The following THSD7B variants were observed in gnomAD, a reference collection of about 807,000 sequenced individuals.
THSD7B encodes the protein thrombospondin type 1 domain containing 7B.
Under a neutral mutation model 213.6 loss-of-function variants are expected in THSD7B, and 138 were observed. The observed-to-expected ratio is 0.65, with a 90% confidence interval of 0.56 to 0.74. THSD7B has a LOEUF of 0.74. Ranked by LOEUF, THSD7B falls within the 30% of genes least tolerant of loss-of-function variation. The pLI is 0.00. For missense variants in THSD7B, 1,931 were observed against 1,991.5 expected (o/e 0.97, Z 0.58); for synonymous variants, 742 against 687.0 (o/e 1.08, Z -1.25).
intron 12 of THSD7B, among the ~76,000 whole-genome samples, chr2:137,343,221 A>G (rs1684802276): frequency 6.6e-6 from 1 of 150,988 alleles, no homozygotes. Context: ...TTAGTTCTTT[A>G]AATTTTGGTA....
chr2:136,861,715 G>A (rs1017003529), intron 1 of THSD7B, among the ~76,000 whole-genome samples: 1 of 152,184 alleles, frequency 6.6e-6, no homozygotes, highest in Admixed American at 6.5e-5. Flanking sequence ...GAACCTAAAT[G>A]TATTGGTCAT....
At chr2:137,129,892 T>G (rs1478186041) in intron 5 of THSD7B, among the ~76,000 whole-genome samples, 1 of 152,208 alleles carries the variant, frequency 6.6e-6, no homozygotes, top group Admixed American at 6.5e-5. Context: ...CTCATCACTG[T>G]TTTCTAATGA....
rs191270451 is a variant in THSD7B at position 136,807,325 on chromosome 2, G to A, written c.-36+41638G>A. Among the ~76,000 whole-genome samples the A allele has an allele frequency of 1.3e-4, 20 of 152,012 alleles. 1 individual carries two copies. The highest frequency in any genetic ancestry group is 4.6e-4 in the African/African-American group (19 of 41,430). ...TTTATTCAAATATTTATTCATATCAGCATGGACTCATGAATATCTTATACT... is the reference window on the plus strand; with the variant it reads ...TTTATTCAAATATTTATTCATATCAACATGGACTCATGAATATCTTATACT... On this transcript the variant is annotated intron_variant, in intron 1 of 27. Coordinates refer to ENST00000409968, the MANE Select transcript of THSD7B (RefSeq NM_001316349.2).
intron 7 of THSD7B, among the ~76,000 whole-genome samples, chr2:137,188,321 A>G (rs1186819312): frequency 6.6e-6 from 1 of 152,132 alleles, no homozygotes; most frequent in Non-Finnish European, 1.5e-5. Context: ...GTTTCAGACC[A>G]GTGCCACCTT....
intron 12 of THSD7B, among the ~76,000 whole-genome samples, chr2:137,289,492 G>A (rs919395026): frequency 5.9e-5 from 9 of 151,920 alleles, no homozygotes; most frequent in South Asian, 2.1e-4. Flanking sequence ...CAAAAATCAC[G>A]TAGGGGCAAT....
intron 7 of THSD7B, among the ~76,000 whole-genome samples, chr2:137,208,243 G>A (rs923914701): frequency 2.6e-5 from 4 of 151,970 alleles, no homozygotes; most frequent in Admixed American, 2.6e-4. Context: ...ACCTTCCACT[G>A]GAGCCTCAGT....
At chr2:136,903,463 T>G (rs1220645776) in intron 2 of THSD7B, among the ~76,000 whole-genome samples, 1 of 152,198 alleles carries the variant, frequency 6.6e-6, no homozygotes, top group South Asian at 2.1e-4. Context: ...TTTCAGAATT[T>G]TTTTTTTAAT....
At chr2:137,670,004 G>T (rs1310026101) in intron 27 of THSD7B, among the ~76,000 whole-genome samples, 2 of 151,996 alleles carry the variant, frequency 1.3e-5, no homozygotes, top group South Asian at 2.1e-4. Context: ...ATATTCATGG[G>T]ATACAAATGC....
chr2:136,946,837 C>G (rs580144), intron 2 of THSD7B, among the ~76,000 whole-genome samples: 90,097 of 152,078 alleles, frequency 0.59, 28,477 homozygotes, highest in Non-Finnish European at 0.73. Flanking sequence ...AAGATGGTTG[C>G]AAAAGTGCAG....
At chr2:137,293,566 G>A (rs1473449653) in intron 12 of THSD7B, among the ~76,000 whole-genome samples, 1 of 151,018 alleles carries the variant, frequency 6.6e-6, no homozygotes, top group Non-Finnish European at 1.5e-5. Flanking sequence ...ACCAGAATTG[G>A]TTCTCTTCAT....
intron 5 of THSD7B, among the ~76,000 whole-genome samples, chr2:137,141,870 T>G (rs1200190270): frequency 6.6e-6 from 1 of 152,152 alleles, no homozygotes; most frequent in Non-Finnish European, 1.5e-5. Flanking sequence ...AATGTTTTTT[T>G]GCTATCACCC....
chr2:137,040,959 G>A (rs569534050), intron 2 of THSD7B, among the ~76,000 whole-genome samples: 24 of 152,286 alleles, frequency 1.6e-4, no homozygotes, highest in African/African-American at 5.5e-4. Flanking sequence ...ATCACAAGGG[G>A]AATAAAGAGT....
At chr2:137,140,482 A>T (rs1365906939) in intron 5 of THSD7B, among the ~76,000 whole-genome samples, 2 of 152,116 alleles carry the variant, frequency 1.3e-5, no homozygotes, top group Admixed American at 1.3e-4. Flanking sequence ...CTAAATTTTG[A>T]CAGATACCAC....
At chr2:137,179,455 C>T (rs1680414069) in intron 7 of THSD7B, among the ~76,000 whole-genome samples, 1 of 151,978 alleles carries the variant, frequency 6.6e-6, no homozygotes, top group Admixed American at 6.6e-5. Context: ...AAACACTTCT[C>T]CATTATGACA....
At chr2:137,592,855 A>G (rs1002824894) in intron 17 of THSD7B, among the ~76,000 whole-genome samples, 1 of 151,968 alleles carries the variant, frequency 6.6e-6, no homozygotes, top group African/African-American at 2.4e-5. Flanking sequence ...GCTGCTTTTC[A>G]GTGTATATGT....
chr2:137,288,091 G>A (rs958237703), intron 12 of THSD7B, among the ~76,000 whole-genome samples: 1 of 152,076 alleles, frequency 6.6e-6, no homozygotes. Flanking sequence ...AACATGTAAT[G>A]TTTGTACTTT....
At chr2:137,320,199 C>G (rs1684231298) in intron 12 of THSD7B, among the ~76,000 whole-genome samples, 1 of 152,106 alleles carries the variant, frequency 6.6e-6, no homozygotes, top group Admixed American at 6.6e-5. Context: ...TCATAGTAAT[C>G]ATATTTAGCA....
At chr2:137,670,794 G>A (rs925770870) in intron 27 of THSD7B, among the ~76,000 whole-genome samples, 1 of 151,846 alleles carries the variant, frequency 6.6e-6, no homozygotes, top group Non-Finnish European at 1.5e-5. Flanking sequence ...GGTGGCGGGC[G>A]CCTGTAGTCC....
At chr2:137,473,628 A>C (rs1688135591) in intron 15 of THSD7B, among the ~76,000 whole-genome samples, 2 of 152,122 alleles carry the variant, frequency 1.3e-5, no homozygotes, top group African/African-American at 4.8e-5. Flanking sequence ...GAATATTATA[A>C]AGATGTGTGA....
Sources: gnomAD v4.1 joint callset for allele counts (sites outside exome capture counted in the v4.1 genomes callset) on GRCh38, gnomAD v4.1.1 for gene constraint, MANE v1.5 for transcripts, NCBI Gene and HGNC (gene_info 2026-07-23, HGNC 2026-07-21) for gene names.